CADPS: variants seen among roughly 807,000 people sequenced by gnomAD.
The protein encoded by CADPS is calcium dependent secretion activator, also known as calcium-dependent secretion activator 1.
Under a neutral mutation model 167.3 loss-of-function variants are expected in CADPS, and 57 were observed. That is an observed-to-expected ratio of 0.34 (90% CI 0.28 to 0.42). CADPS has a LOEUF of 0.42. Among genes scored for constraint, CADPS ranks in the 20% least tolerant of loss-of-function variants. CADPS has a pLI of 1.00. For synonymous variants in CADPS, 676 were observed against 635.3 expected (o/e 1.06, Z -0.96); for missense variants, 1,414 against 1,738.1 (o/e 0.81, Z 3.32).
At chr3:62,448,588 G>A (rs537124164) in intron 26 of CADPS, among the ~76,000 whole-genome samples, 1 of 151,550 alleles carries the variant, frequency 6.6e-6, no homozygotes, top group Non-Finnish European at 1.5e-5. Context: ...AGACATGTGT[G>A]TATCATTTTT....
rs73097468 is a variant in CADPS at position 62,856,730 on chromosome 3, G to A, written c.441+17859C>T. The stretch of plus-strand genomic sequence containing the variant: ...TAAAAATTTAGTGCATTTGACATTT[G>A]CATTATGCATTTAACACAACTAGAG... On this transcript the variant is annotated intron_variant, in intron 1 of 29. Coordinates refer to ENST00000383710, the MANE Select transcript of CADPS (RefSeq NM_003716.4). 3.5e-3 allele frequency among the ~76,000 whole-genome samples: 538 copies of A among 151,890 alleles called. 3 individuals are homozygous for A. The highest frequency in any genetic ancestry group is 6.2e-3 in the South Asian group (30 of 4,820).
intron 12 of CADPS, 91 bp downstream of exon 12, chr3:62,536,354 G>A: frequency 8.8e-7 from 1 of 1,134,538 alleles, no homozygotes; most frequent in Non-Finnish European, 1.3e-6. Context: ...TTCTGTAATG[G>A]AGAAAAGAGC....
chr3:62,851,477 C>G (rs912382973), intron 1 of CADPS, among the ~76,000 whole-genome samples: 1 of 149,782 alleles, frequency 6.7e-6, no homozygotes, highest in Non-Finnish European at 1.5e-5. Context: ...CTTGTGGTGA[C>G]AAAATCTCTC....
intron 28 of CADPS, among the ~76,000 whole-genome samples, chr3:62,425,463 C>A (rs936944732): frequency 9.9e-5 from 15 of 152,156 alleles, no homozygotes; most frequent in African/African-American, 3.1e-4. Flanking sequence ...ATTTTAAAAA[C>A]AGATGTCTAA....
intron 6 of CADPS, among the ~76,000 whole-genome samples, chr3:62,618,085 A>G (rs2062614339): frequency 6.6e-6 from 1 of 152,158 alleles, no homozygotes; most frequent in African/African-American, 2.4e-5. Context: ...TGACTCAATA[A>G]GAGTCAGCCA....
At chr3:62,493,716 G>C (rs529833869) in intron 18 of CADPS, 51 bp from the exon 19 acceptor site, 3 of 1,513,360 alleles carry the variant, frequency 2.0e-6, no homozygotes, top group African/African-American at 2.8e-5. Context: ...ATTCTGCAAG[G>C]TTGGCTTGGC....
chr3:62,477,423 A>G (rs1220625879), intron 23 of CADPS, among the ~76,000 whole-genome samples: 1 of 151,916 alleles, frequency 6.6e-6, no homozygotes, highest in Non-Finnish European at 1.5e-5. Context: ...ATGTCCCCTC[A>G]GTGGAATTTT....
chr3:62,669,758 A>G (rs1374305405), intron 3 of CADPS, among the ~76,000 whole-genome samples: 1 of 152,170 alleles, frequency 6.6e-6, no homozygotes, highest in Non-Finnish European at 1.5e-5. Flanking sequence ...TAGGATCGAT[A>G]AGAGATTAAA....
At chr3:62,824,211 T>C (rs1337791508) in intron 1 of CADPS, among the ~76,000 whole-genome samples, 2 of 151,012 alleles carry the variant, frequency 1.3e-5, no homozygotes, top group Admixed American at 6.6e-5. Context: ...AGAAAAAGAA[T>C]GTCTTCATAG....
At position 62,433,381 on chromosome 3, in the gene CADPS, GAAGCTGACCACACTGCTTGATTA is replaced by G. The variant is rs2054361531; in HGVS notation, c.3777+4700_3777+4722del. ...AGAATACTGAGTAGCAGCCCCTTCCGAAGCTGACCACACTGCTTGATTAAGTTCTTACGAGGTGGTTTGGTAAG... is the reference window on the plus strand; with the variant it reads ...AGAATACTGAGTAGCAGCCCCTTCCGAGTTCTTACGAGGTGGTTTGGTAAG... On this transcript the variant is annotated intron_variant, in intron 28 of 29. Coordinates refer to ENST00000383710, the MANE Select transcript of CADPS (RefSeq NM_003716.4). The surrounding 1 kb of genome is among the most constrained non-coding windows in gnomAD (Gnocchi z 4.7). Among the ~76,000 whole-genome samples, 1 of 152,098 alleles carries G rather than the reference GAAGCTGACCACACTGCTTGATTA, an allele frequency of 6.6e-6. No homozygotes were observed.
Position 62,666,207 on chromosome 3 carries a change from G to A in CADPS, c.889-3813C>T, listed in dbSNP as rs541275091. On this transcript the variant is annotated intron_variant, in intron 3 of 29. Transcript: ENST00000383710. ...CTTGCTCTGTTAGACTTTAATTAGC[G>A]GGAGTGACCAGAAGGCGGCCACTGC... 6.6e-5 allele frequency among the ~76,000 whole-genome samples: 10 copies of A among 152,216 alleles called. No homozygotes were observed. The East Asian group carries it at 1.6e-3, about 24-fold the overall frequency.
chr3:62,604,618 T>A (rs1000942335), intron 6 of CADPS, among the ~76,000 whole-genome samples: 4 of 152,242 alleles, frequency 2.6e-5, no homozygotes, highest in Non-Finnish European at 5.9e-5. Context: ...AAGGCTAAAT[T>A]AGAGAGATCA....
At chr3:62,739,932 C>T (rs951731545) in intron 3 of CADPS, among the ~76,000 whole-genome samples, 11 of 152,218 alleles carry the variant, frequency 7.2e-5, no homozygotes, top group Admixed American at 2.6e-4. Context: ...ATCTACTACT[C>T]ATAATGCTTA....
At chr3:62,492,237 C>G in intron 20 of CADPS, 53 bp downstream of exon 20, 1 of 1,480,000 alleles carries the variant, frequency 6.8e-7, no homozygotes, top group Non-Finnish European at 9.4e-7. Flanking sequence ...TCTTAGTGAT[C>G]TGTTTATCTG....
Position 62,478,149 on chromosome 3 carries a change from T to C in CADPS, c.3329+112A>G. ...CAGCTGACTTTGACAAGCAATCCCC[T>C]TCTCCAATTAGTTTCAAACTACAGC... On this transcript the variant is annotated intron_variant, in intron 23 of 29. Coordinates refer to ENST00000383710, the MANE Select transcript of CADPS (RefSeq NM_003716.4). The surrounding 1 kb of genome is among the most constrained non-coding windows in gnomAD (Gnocchi z 5.7). 2 of 1,201,324 alleles carry C rather than the reference T, an allele frequency of 1.7e-6. No individual in the cohort carries two copies. The highest frequency in any genetic ancestry group is 2.4e-6 in the Non-Finnish European group (2 of 839,974). 74.4% of individuals were successfully genotyped at this position (1,201,324 alleles called of 1,614,324 possible). A position where few individuals can be genotyped will look rare whatever the true frequency, so the allele number is the denominator to read the frequency against.
Position 62,749,534 on chromosome 3 carries a change from A to G in CADPS, c.888+3907T>C, listed in dbSNP as rs564280347. Reference sequence around the variant, plus strand: ...AGGTCCAGAAAATACAAAATTAAACAGGAAACAATTTCAGCAGAGTGAGGA... The same window carrying G: ...AGGTCCAGAAAATACAAAATTAAACGGGAAACAATTTCAGCAGAGTGAGGA... On this transcript the variant is annotated intron_variant, in intron 3 of 29. Coordinates refer to ENST00000383710, the MANE Select transcript of CADPS (RefSeq NM_003716.4). Among the ~76,000 whole-genome samples, 5 of 152,374 alleles carry G rather than the reference A, an allele frequency of 3.3e-5. No individual in the cohort carries two copies. In the South Asian group the frequency reaches 1.0e-3, roughly 32 times the overall value.
At chr3:62,443,561 C>A (rs1284740039) in intron 27 of CADPS, among the ~76,000 whole-genome samples, 15 of 152,148 alleles carry the variant, frequency 9.9e-5, no homozygotes. Flanking sequence ...GTAATTGAAT[C>A]ATGGGGGTGG....
At chr3:62,862,664 T>TA (rs1254608546) in intron 1 of CADPS, among the ~76,000 whole-genome samples, 2 of 152,222 alleles carry the variant, frequency 1.3e-5, no homozygotes, top group Non-Finnish European at 2.9e-5. Context: ...GACATACATT[T>TA]AAATGTTTTA....
chr3:62,854,132 C>T (rs2079175813), intron 1 of CADPS, among the ~76,000 whole-genome samples: 1 of 152,108 alleles, frequency 6.6e-6, no homozygotes, highest in Non-Finnish European at 1.5e-5. Flanking sequence ...GCAGAAATGT[C>T]ACCTCAGAAG....
Sources: gnomAD v4.1 joint callset for allele counts (sites outside exome capture counted in the v4.1 genomes callset) on GRCh38, gnomAD v4.1.1 for gene constraint, Gnocchi (gnomAD v3.1) non-coding constraint, MANE v1.5 for transcripts, NCBI Gene and HGNC (gene_info 2026-07-23, HGNC 2026-07-21) for gene names.